Variants in ZFYVE9 observed in about 807,000 individuals in gnomAD.
The protein encoded by ZFYVE9 is zinc finger FYVE-type containing 9.
ZFYVE9 carries 43 observed loss-of-function variants against 126.7 expected under a neutral mutation model. The ratio of observed to expected loss-of-function variants is 0.34; its 90% confidence interval spans 0.27 to 0.44. The LOEUF is 0.44. ZFYVE9 is among the 20% of genes least tolerant of loss of function. The pLI, the probability that ZFYVE9 is intolerant of heterozygous loss-of-function variation, is 1.00. For missense variants in ZFYVE9, 1,476 were observed against 1,697.0 expected, an observed-to-expected ratio of 0.87 and a Z score of 2.29; for synonymous variants, 521 against 597.4, an observed-to-expected ratio of 0.87 and a Z score of 1.87.
At chr1:52,340,956 C>T (rs1013647775) in intron 17 of ZFYVE9, among the ~76,000 whole-genome samples, 7 of 149,886 alleles carry the variant, frequency 4.7e-5, no homozygotes, top group African/African-American at 1.5e-4. Context: ...TGGTGGCTCA[C>T]GCCTGTAATC....
At chr1:52,232,134 C>T (rs930357184) in intron 2 of ZFYVE9, among the ~76,000 whole-genome samples, 2 of 151,986 alleles carry the variant, frequency 1.3e-5, no homozygotes, top group African/African-American at 4.8e-5. Flanking sequence ...TCATGTTTTC[C>T]TTACTCAGAC....
intron 1 of ZFYVE9, among the ~76,000 whole-genome samples, chr1:52,145,454 T>C (rs1328810137): frequency 1.3e-5 from 2 of 152,156 alleles, no homozygotes; most frequent in African/African-American, 4.8e-5. Flanking sequence ...CGTATATATG[T>C]GTGTTTTATG....
intron 1 of ZFYVE9, chr1:52,162,981 A>G (rs761362739): frequency 2.4e-6 from 1 of 414,090 alleles, no homozygotes; most frequent in Non-Finnish European, 4.5e-6. Context: ...ACTGAGAGTG[A>G]AGACTCATTT....
intron 1 of ZFYVE9, among the ~76,000 whole-genome samples, chr1:52,210,249 C>G (rs1054254096): frequency 6.6e-6 from 1 of 152,096 alleles, no homozygotes; most frequent in Non-Finnish European, 1.5e-5. Flanking sequence ...TAAAATGGCA[C>G]TGGAACATTA....
At chr1:52,222,426 A>T (rs1012469863) in intron 2 of ZFYVE9, among the ~76,000 whole-genome samples, 3 of 152,134 alleles carry the variant, frequency 2.0e-5, no homozygotes, top group African/African-American at 7.2e-5. Flanking sequence ...ATCACCATGA[A>T]CCATTGGTGG....
At chr1:52,340,904 CAAAAAAAAAAAAAAAA>C (rs10608842) in intron 17 of ZFYVE9, among the ~76,000 whole-genome samples, 9,506 of 100,904 alleles carry the variant, frequency 0.094, 1,122 homozygotes, top group African/African-American at 0.31. Context: ...GACTCCGTCT[CAAAAAAAAAAAAAAAA>C]AAAAAAAAAA....
At position 52,340,364 on chromosome 1, in the gene ZFYVE9, A is replaced by G. The variant is rs926691253; in HGVS notation, c.3939+133A>G. ...GAGAAAAATCTTTCTCGTTTATACT[A>G]CAATTCCTATCTGAAATCACCAGGA... On this transcript the variant is annotated intron_variant, in intron 17 of 18. Coordinates refer to ENST00000287727, the MANE Select transcript of ZFYVE9 (RefSeq NM_004799.4). 1.1e-5 allele frequency: 7 copies of G among 658,860 alleles called. No individual in the cohort carries two copies. In the Middle Eastern group the frequency reaches 7.5e-4, roughly 71 times the overall value. 40.8% of individuals were successfully genotyped at this position (658,860 alleles called of 1,614,324 possible). A position where few individuals can be genotyped will look rare whatever the true frequency, so the allele number is the denominator to read the frequency against.
intron 4 of ZFYVE9, among the ~76,000 whole-genome samples, chr1:52,244,092 G>A (rs1645360899): frequency 1.3e-5 from 2 of 152,226 alleles, no homozygotes; most frequent in Admixed American, 1.3e-4. Context: ...CTATAACAGG[G>A]TCATTGAAAA....
chr1:52,295,987 G>A lies in ZFYVE9; in HGVS notation c.3333+10G>A, dbSNP rs774608003. ...CATGAATCTTCTTGCAGTAAGTTGG[G>A]AATTTTTTTTCCTTTGTCCTTACTG... On this transcript the variant is annotated intron_variant, in intron 12 of 18. Transcript: ENST00000287727. 13 of 1,611,798 alleles carry A rather than the reference G, an allele frequency of 8.1e-6. No individual in the cohort carries two copies. The highest frequency in any genetic ancestry group is 1.1e-5 in the South Asian group (1 of 90,558).
chr1:52,193,064 C>T (rs1368769803), intron 1 of ZFYVE9, among the ~76,000 whole-genome samples: 1 of 152,100 alleles, frequency 6.6e-6, no homozygotes, highest in Non-Finnish European at 1.5e-5. Flanking sequence ...GCTTATTGAA[C>T]CCCCATTTGA....
rs1299941808 is a variant in ZFYVE9, at chr1:52,142,374, A to T, written c.-172A>T. The T allele has an allele frequency of 6.6e-6, 1 of 151,874 alleles. No individual in the cohort carries two copies. Among genetic ancestry groups the T allele is most frequent in the African/African-American group, 2.4e-5 (1 of 41,352 alleles). The allele number at this position is 151,874 out of a possible 1,614,324, so 9.4% of individuals were successfully genotyped here. A position where few individuals can be genotyped will look rare whatever the true frequency, so the allele number is the denominator to read the frequency against. ...CGGCTCAGGGACGACCCCCGTGGCC[A>T]TGCTGAAGCGGAGGCGGCCGCTGCT... On this transcript the variant is annotated 5_prime_UTR_variant, in exon 1 of 19. It removes an upstream start codon present in the reference 5' UTR. Coordinates refer to ENST00000287727, the MANE Select transcript of ZFYVE9 (RefSeq NM_004799.4). The surrounding 1 kb of genome is among the most constrained non-coding windows in gnomAD (Gnocchi z 4.5).
intron 1 of ZFYVE9, among the ~76,000 whole-genome samples, chr1:52,167,323 A>C (rs1217304742): frequency 6.6e-6 from 1 of 152,212 alleles, no homozygotes; most frequent in African/African-American, 2.4e-5. Context: ...TAAGAAAAAT[A>C]CATTTTAAGC....
intron 1 of ZFYVE9, among the ~76,000 whole-genome samples, chr1:52,184,295 G>A (rs540636916): frequency 1.4e-3 from 200 of 147,906 alleles, no homozygotes; most frequent in African/African-American, 4.7e-3. Flanking sequence ...CATGATTTTG[G>A]CTCACTGCAA....
rs202220555 is a variant in ZFYVE9 at position 52,211,445 on chromosome 1, G to A, written c.-142-4924G>A. Reference sequence around the variant, plus strand: ...GAGAACCCTGCTCAGACTAAGATTGGGAACAGAAAGAGGGGACTTGGAAGA... The same window carrying A: ...GAGAACCCTGCTCAGACTAAGATTGAGAACAGAAAGAGGGGACTTGGAAGA... On this transcript the variant is annotated intron_variant, in intron 1 of 18. Transcript: ENST00000287727. 2.6e-5 allele frequency among the ~76,000 whole-genome samples: 4 copies of A among 152,302 alleles called. No homozygotes were observed. The East Asian group carries it at 7.7e-4, about 29-fold the overall frequency.
rs368564151 is a variant in ZFYVE9 at position 52,144,049 on chromosome 1, C to G, written c.-143+1646C>G. On this transcript the variant is annotated intron_variant, in intron 1 of 18. Transcript: ENST00000287727. Reference sequence around the variant, plus strand: ...GAGGACCCCTTGATCCTAGGAGTTCCAGTCCTGCTTGGGCAACGTAAGCAA... The same window carrying G: ...GAGGACCCCTTGATCCTAGGAGTTCGAGTCCTGCTTGGGCAACGTAAGCAA... Among the ~76,000 whole-genome samples, 19 of 152,272 alleles carry G rather than the reference C, an allele frequency of 1.2e-4. No homozygotes were observed. The East Asian group carries it at 3.1e-3, about 25-fold the overall frequency.
chr1:52,333,020 C>T lies in ZFYVE9; in HGVS notation c.3589+102C>T. 2.1e-6 allele frequency: 3 copies of T among 1,423,124 alleles called. No homozygotes were observed. In the South Asian group the frequency reaches 3.8e-5, roughly 18 times the overall value. 88.2% of individuals were successfully genotyped at this position (1,423,124 alleles called of 1,614,324 possible). On this transcript the variant is annotated intron_variant, in intron 14 of 18. Coordinates refer to ENST00000287727, the MANE Select transcript of ZFYVE9 (RefSeq NM_004799.4). ...TAACACTCACTTTCTAGATAGGTGA[C>T]CACAAACAAATTAATTAACCTTTCC... is the stretch of plus-strand genomic sequence containing the variant.
intron 10 of ZFYVE9, 36 bp downstream of exon 10, chr1:52,281,852 T>C (rs755105309): frequency 1.2e-6 from 2 of 1,608,230 alleles, no homozygotes; most frequent in Admixed American, 3.5e-5. Flanking sequence ...GCTCCCTTTG[T>C]AGATGACAAA....
At chr1:52,213,512 C>A (rs775421738) in intron 1 of ZFYVE9, among the ~76,000 whole-genome samples, 1 of 151,932 alleles carries the variant, frequency 6.6e-6, no homozygotes, top group South Asian at 2.1e-4. Flanking sequence ...ATTAGCCGGG[C>A]CTGGTGGCGT....
chr1:52,308,303 C>G (rs1197768548), intron 13 of ZFYVE9, among the ~76,000 whole-genome samples: 2 of 152,124 alleles, frequency 1.3e-5, no homozygotes, highest in Non-Finnish European at 2.9e-5. Flanking sequence ...ACTTCAGCCT[C>G]CTAAGTAGCT....
Sources: allele counts gnomAD v4.1 joint callset (sites outside exome capture counted in the v4.1 genomes callset), GRCh38; gene constraint gnomAD v4.1.1; non-coding constraint Gnocchi (gnomAD v3.1); transcripts MANE v1.5; gene names NCBI Gene and HGNC (gene_info 2026-07-23, HGNC 2026-07-21).